NECTIN3: variants seen among roughly 807,000 people sequenced by gnomAD.
NECTIN3 encodes nectin-3.
Under a neutral mutation model 49.4 loss-of-function variants are expected in NECTIN3, and 8 were observed. The observed-to-expected ratio is 0.16, with a 90% CI of 0.10 to 0.29. The LOEUF is 0.29. Among genes scored for constraint, NECTIN3 ranks in the 10% least tolerant of loss-of-function variants. The pLI is 1.00. For synonymous variants in NECTIN3, 277 were observed against 241.1 expected (o/e 1.15, Z -1.38); for missense variants, 581 against 654.6 (o/e 0.89, Z 1.23).
chr3:111,147,587 T>A, intron 7 of NECTIN3: 1 of 979,910 alleles, frequency 1.0e-6, no homozygotes, highest in Non-Finnish European at 1.5e-6. Context: ...CATTATGCAT[T>A]AAGTGTTGTT....
intron 7 of NECTIN3, among the ~76,000 whole-genome samples, chr3:111,150,511 T>C (rs1418742426): frequency 3.3e-5 from 5 of 151,958 alleles, no homozygotes; most frequent in African/African-American, 4.8e-5. Flanking sequence ...TGTGATGAAA[T>C]GTAATATATG....
rs573868954 is a variant in NECTIN3, at chr3:111,109,128, G to A, written c.161-2902G>A. Among the ~76,000 whole-genome samples, 19 of 152,140 alleles carry A rather than the reference G, an allele frequency of 1.2e-4. 1 individual carries two copies. The highest frequency in any genetic ancestry group is 2.5e-4 in the Non-Finnish European group (17 of 68,006). On this transcript the variant is annotated intron_variant, in intron 1 of 5. Coordinates refer to ENST00000485303, the MANE Select transcript of NECTIN3 (RefSeq NM_015480.3). Reference sequence around the variant, plus strand: ...TGTTTCCTCACATGGCCTAGAAAAAGTGAGGGAGTGAGCTCTCCTTTCTTT... The same window carrying A: ...TGTTTCCTCACATGGCCTAGAAAAAATGAGGGAGTGAGCTCTCCTTTCTTT...
intron 1 of NECTIN3, among the ~76,000 whole-genome samples, chr3:111,193,014 G>C (rs1013122574): frequency 1.3e-5 from 2 of 152,094 alleles, no homozygotes; most frequent in African/African-American, 4.8e-5. Context: ...TTCTTATTCA[G>C]GGTATTGTAA....
At chr3:111,101,876 G>A (rs926082487) in intron 1 of NECTIN3, among the ~76,000 whole-genome samples, 9 of 152,026 alleles carry the variant, frequency 5.9e-5, no homozygotes, top group African/African-American at 1.2e-4. Flanking sequence ...TTCAGCCTTC[G>A]TTTCCAGCCT....
At chr3:111,106,702 G>T (rs1244638425) in intron 1 of NECTIN3, among the ~76,000 whole-genome samples, 2 of 152,056 alleles carry the variant, frequency 1.3e-5, no homozygotes, top group Non-Finnish European at 2.9e-5. Flanking sequence ...CTATTACCTT[G>T]CTAGTTTGTT....
chr3:111,132,471 AAATT>A (rs1328479310), intron 5 of NECTIN3, among the ~76,000 whole-genome samples: 4 of 151,870 alleles, frequency 2.6e-5, no homozygotes, highest in Non-Finnish European at 3.0e-5. Flanking sequence ...ACTCATTTAA[AAATT>A]AATTATAGGA....
At chr3:111,089,106 C>A (rs1020926343) in intron 1 of NECTIN3, among the ~76,000 whole-genome samples, 1 of 151,972 alleles carries the variant, frequency 6.6e-6, no homozygotes, top group East Asian at 1.9e-4. Context: ...ATTTTCTTAT[C>A]GTCTTTTTAA....
intron 1 of NECTIN3, among the ~76,000 whole-genome samples, chr3:111,106,566 G>A (rs1177511367): frequency 6.6e-6 from 1 of 152,140 alleles, no homozygotes; most frequent in Non-Finnish European, 1.5e-5. Context: ...TATTTTCAGA[G>A]TTGACATGAC....
intron 1 of NECTIN3, chr3:111,072,641 C>A: frequency 6.9e-7 from 1 of 1,456,276 alleles, no homozygotes; most frequent in Non-Finnish European, 9.3e-7. Flanking sequence ...TGGCCTTCCA[C>A]CCTGGAGAAG....
chr3:111,129,431 T>G (rs1242570677), intron 5 of NECTIN3, among the ~76,000 whole-genome samples: 1 of 152,186 alleles, frequency 6.6e-6, no homozygotes, highest in African/African-American at 2.4e-5. Context: ...TAATTACTGC[T>G]ATATTTCCAT....
chr3:111,072,484 T>A, intron 1 of NECTIN3: 1 of 1,535,856 alleles, frequency 6.5e-7, no homozygotes. Context: ...GGACCGTTAC[T>A]TCCTCGCTCA....
At chr3:111,193,627 T>G (rs2035854908) in intron 1 of NECTIN3, 1 of 475,576 alleles carries the variant, frequency 2.1e-6, no homozygotes, top group African/African-American at 1.9e-5. Context: ...GGTATTTAAC[T>G]GCTAACATTT....
intron 7 of NECTIN3, among the ~76,000 whole-genome samples, chr3:111,172,915 T>C (rs1553730603): frequency 6.6e-6 from 1 of 152,228 alleles, no homozygotes; most frequent in Non-Finnish European, 1.5e-5. Flanking sequence ...CATTCCAAGC[T>C]GCTTTGGATA....
chr3:111,074,108 T>G (rs2031003051), intron 1 of NECTIN3: 1 of 411,876 alleles, frequency 2.4e-6, no homozygotes, highest in South Asian at 1.7e-5. Flanking sequence ...CTTTTTTGGC[T>G]TATAGTGTTA....
intron 1 of NECTIN3, among the ~76,000 whole-genome samples, chr3:111,111,538 C>T (rs968403661): frequency 6.6e-6 from 1 of 152,036 alleles, no homozygotes; most frequent in African/African-American, 2.4e-5. Flanking sequence ...AAATTTACCC[C>T]AAAACATAAT....
chr3:111,104,064 GTTTAAC>G (rs2033052082), intron 1 of NECTIN3, among the ~76,000 whole-genome samples: 1 of 152,130 alleles, frequency 6.6e-6, no homozygotes, highest in African/African-American at 2.4e-5. Context: ...CATATGGTAT[GTTTAAC>G]TTTAAGAGAC....
chr3:111,101,469 C>A (rs528448163), intron 1 of NECTIN3, among the ~76,000 whole-genome samples: 1 of 151,998 alleles, frequency 6.6e-6, no homozygotes, highest in African/African-American at 2.4e-5. Context: ...ATATTGGTTA[C>A]GTGTAAGTTA....
chr3:111,165,254 A>G (rs1317606324), intron 7 of NECTIN3, among the ~76,000 whole-genome samples: 4 of 152,112 alleles, frequency 2.6e-5, no homozygotes, highest in Non-Finnish European at 5.9e-5. Context: ...TGTGTTAGCC[A>G]GGATGGTCTC....
intron 2 of NECTIN3, among the ~76,000 whole-genome samples, chr3:111,115,591 G>A (rs975936502): frequency 6.6e-6 from 1 of 152,176 alleles, no homozygotes; most frequent in African/African-American, 2.4e-5. Flanking sequence ...TAAAGTTTGA[G>A]AAACACTGCT....
Sources: gnomAD v4.1 joint callset for allele counts (sites outside exome capture counted in the v4.1 genomes callset) on GRCh38, gnomAD v4.1.1 for gene constraint, MANE v1.5 for transcripts, NCBI Gene and HGNC (gene_info 2026-07-23, HGNC 2026-07-21) for gene names.